Variants in ACTG1 observed in about 807,000 individuals in gnomAD.
The protein encoded by ACTG1 is actin, cytoplasmic 2.
Under a neutral mutation model 34.3 loss-of-function variants are expected in ACTG1, and 14 were observed. The observed-to-expected ratio is 0.41, with a 90% confidence interval of 0.27 to 0.64. The LOEUF (loss-of-function observed/expected upper bound fraction) is 0.64. Ranked by LOEUF, ACTG1 falls within the 30% of genes least tolerant of loss-of-function variation. The pLI is 0.33. For missense variants in ACTG1, 233 were observed against 529.5 expected (o/e 0.44, Z 5.50); for synonymous variants, 422 against 213.9 (o/e 1.97, Z -8.49).
Position 81,511,991 on chromosome 17 carries a change from T to C in ACTG1, c.275A>G (p.Asn92Ser), listed in dbSNP as rs1555667075. 6.2e-7 allele frequency: 1 copy of C among 1,614,082 alleles called. No individual in the cohort carries two copies. Among genetic ancestry groups the C allele is most frequent in the Admixed American group, 1.7e-5 (1 of 60,028 alleles). The change falls in exon 3 of 6, where the codon AAC becomes AGC. Residue 92 changes from asparagine to serine, a missense_variant. Transcript: ENST00000573283. ...MEKIWHHTFY[N>S]ELRVAPEEHP... Reference sequence around the variant, plus strand: ...CTCCTCCGGGGCCACGCGCAGCTCGTTGTAGAAGGTGTGGTGCCAGATCTT... The same window carrying C: ...CTCCTCCGGGGCCACGCGCAGCTCGCTGTAGAAGGTGTGGTGCCAGATCTT...
rs1555665945 is a variant in ACTG1, at chr17:81,509,980, G to A, written c.*710C>T. The A allele has an allele frequency of 2.5e-6, 1 of 393,214 alleles. No individual in the cohort carries two copies. The highest frequency in any genetic ancestry group is 5.0e-6 in the Non-Finnish European group (1 of 198,498). 24.4% of individuals were successfully genotyped at this position (393,214 alleles called of 1,614,324 possible). A position where few individuals can be genotyped will look rare whatever the true frequency, so the allele number is the denominator to read the frequency against. ...AAACAGGAGCCATTCATTGGTTACG[G>A]CAGCACTTTTATTTTTCCTTACACA... On this transcript the variant is annotated 3_prime_UTR_variant, in exon 6 of 6. Coordinates refer to ENST00000573283, the MANE Select transcript of ACTG1 (RefSeq NM_001614.5).
Position 81,511,480 on chromosome 17 carries a change from G to A in ACTG1, c.510C>T (p.Ala170=), listed in dbSNP as rs558086995. 8.7e-6 allele frequency: 14 copies of A among 1,613,898 alleles called. No homozygotes were observed. Among genetic ancestry groups the A allele is most frequent in the African/African-American group, 6.7e-5 (5 of 75,060 alleles). ...THTVPIYEGY[A]LPHAILRLDL... is the part of the protein sequence containing the mutation. ...CCAGACGCAGGATGGCGTGGGGGAG[G>A]GCGTAGCCCTCGTAGATGGGCACCG... The change falls in exon 4 of 6, where the codon GCC becomes GCT. Residue 170 remains alanine, a synonymous_variant. Transcript: ENST00000573283.
intron 4 of ACTG1, 32 bp downstream of exon 4, chr17:81,511,156 A>G (rs782687438): frequency 1.2e-6 from 2 of 1,613,722 alleles, no homozygotes; most frequent in South Asian, 1.1e-5. Flanking sequence ...CCGAGGATGT[A>G]AGAGTAGAAA....
At chr17:81,511,793 A>AGGAACAGAGCCT in intron 3 of ACTG1, 110 bp downstream of exon 3, 1 of 1,578,684 alleles carries the variant, frequency 6.3e-7, no homozygotes, top group Non-Finnish European at 8.6e-7. Context: ...ATGCCGGGAG[A>AGGAACAGAGCCT]GGAACAGAGC....
chr17:81,511,805 T>A, intron 3 of ACTG1, 98 bp downstream of exon 3: 1 of 1,595,088 alleles, frequency 6.3e-7, no homozygotes, highest in Non-Finnish European at 8.6e-7. Flanking sequence ...GAACAGAGCC[T>A]GGAACAGCGA....
intron 2 of ACTG1, 33 bp from the exon 3 acceptor site, chr17:81,512,175 A>G: frequency 1.2e-6 from 2 of 1,612,842 alleles, no homozygotes; most frequent in South Asian, 1.1e-5. Context: ...CTCGCCGGCG[A>G]CACCGAACCC....
rs281875328 is a variant in ACTG1 at position 81,511,230 on chromosome 17, G to T, written c.760C>A (p.Arg254=). 1 of 1,613,634 alleles carries T rather than the reference G, an allele frequency of 6.2e-7. No individual in the cohort carries two copies. The highest frequency in any genetic ancestry group is 2.2e-5 in the East Asian group (1 of 44,892). ...DGQVITIGNE[R]FRCPEALFQP... ...AACAGCGCCTCCGGACACCGGAACCGCTCATTGCCAATGGTGATGACCTGG... is the reference window on the plus strand; with the variant it reads ...AACAGCGCCTCCGGACACCGGAACCTCTCATTGCCAATGGTGATGACCTGG... The change falls in exon 4 of 6, where the codon CGG becomes AGG. Residue 254 remains arginine, a synonymous_variant. Transcript: ENST00000573283.
Position 81,512,059 on chromosome 17 carries a change from G to A in ACTG1, c.207C>T (p.Tyr69=). 1.2e-6 allele frequency: 2 copies of A among 1,614,006 alleles called. No homozygotes were observed. The highest frequency in any genetic ancestry group is 8.5e-7 in the Non-Finnish European group (1 of 1,180,034). ...TGGTGACGATGCCATGCTCAATGGG[G>A]TACTTCAGGGTCAGGATGCCACGCT... is the stretch of plus-strand genomic sequence containing the variant. ...QSKRGILTLK[Y]PIEHGIVTNW... is the part of the protein sequence containing the mutation. The change falls in exon 3 of 6, where the codon TAC becomes TAT. Residue 69 remains tyrosine, a synonymous_variant. Transcript: ENST00000573283.
chr17:81,510,529 A>G lies in ACTG1; in HGVS notation c.*161T>C, dbSNP rs2031694514. The G allele has an allele frequency of 7.5e-6, 7 of 928,876 alleles. No individual in the cohort carries two copies. Among genetic ancestry groups the G allele is most frequent in the Non-Finnish European group, 1.2e-5 (7 of 580,318 alleles). 57.5% of individuals were successfully genotyped at this position (928,876 alleles called of 1,614,324 possible). A position where few individuals can be genotyped will look rare whatever the true frequency, so the allele number is the denominator to read the frequency against. ...AAGGTCAAAATCAGCAACAAGTTCTACAATCCAGTGCTGATATCAGATACA... is the reference window on the plus strand; with the variant it reads ...AAGGTCAAAATCAGCAACAAGTTCTGCAATCCAGTGCTGATATCAGATACA... On this transcript the variant is annotated 3_prime_UTR_variant, in exon 6 of 6. Coordinates refer to ENST00000573283, the MANE Select transcript of ACTG1 (RefSeq NM_001614.5).
chr17:81,512,227 C>T lies in ACTG1; in HGVS notation c.123+5G>A, dbSNP rs782606686. The T allele has an allele frequency of 1.9e-6, 3 of 1,613,460 alleles. No individual in the cohort carries two copies. Among genetic ancestry groups the T allele is most frequent in the East Asian group, 2.2e-5 (1 of 44,872 alleles). Reference sequence around the variant, plus strand: ...CCCAGGAGCCCCGCGGCGCCATCCACTCACCTGGTGTCTGGGGCGCCCGAC... The same window carrying T: ...CCCAGGAGCCCCGCGGCGCCATCCATTCACCTGGTGTCTGGGGCGCCCGAC... On this transcript the variant is annotated splice_donor_5th_base_variant and intron_variant, in intron 2 of 5. Transcript: ENST00000573283.
rs727502883 is a variant in ACTG1 at position 81,511,354 on chromosome 17, G to T, written c.636C>A (p.Ile212=). ...GGGCGACGTAGCACAGCTTCTCCTT[G>T]ATGTCGCGCACGATTTCCCGCTCGG... The part of the protein sequence containing the change: ...TTAEREIVRD[I]KEKLCYVALD... The change falls in exon 4 of 6, where the codon ATC becomes ATA. Residue 212 remains isoleucine, a synonymous_variant. Transcript: ENST00000573283. 4.3e-6 allele frequency: 7 copies of T among 1,613,818 alleles called. No individual in the cohort carries two copies. Among genetic ancestry groups the T allele is most frequent in the Non-Finnish European group, 5.9e-6 (7 of 1,180,046 alleles).
In ACTG1 at chr17:81,510,620, C is replaced by G. The variant is rs566801807; in HGVS notation, c.*70G>C. ...TCGTGAGGCTAGCATGAGGTGTGTG[C>G]ATTTGCCAGGGGCAAATTTCTATTC... On this transcript the variant is annotated 3_prime_UTR_variant, in exon 6 of 6. Transcript: ENST00000573283. The G allele has an allele frequency of 2.5e-6, 4 of 1,585,066 alleles. No individual in the cohort carries two copies. In the East Asian group the frequency reaches 6.7e-5, roughly 27 times the overall value.
rs28478053 is a variant in ACTG1, at chr17:81,510,556, G to A, written c.*134C>T. 3,406 of 1,169,086 alleles carry A rather than the reference G, an allele frequency of 2.9e-3. 77 individuals are homozygous for A. In the African/African-American group the frequency reaches 0.043, roughly 15 times the overall value. The allele number at this position is 1,169,086 out of a possible 1,614,324, so 72.4% of individuals were successfully genotyped here. A position where few individuals can be genotyped will look rare whatever the true frequency, so the allele number is the denominator to read the frequency against. ...AATCCAGTGCTGATATCAGATACAA[G>A]CTTCAAGGACAATTTCTTTTCGAAG... is the stretch of plus-strand genomic sequence containing the variant. On this transcript the variant is annotated 3_prime_UTR_variant, in exon 6 of 6. Coordinates refer to ENST00000573283, the MANE Select transcript of ACTG1 (RefSeq NM_001614.5).
In ACTG1 at chr17:81,510,934, T is replaced by C; in HGVS notation, c.977A>G (p.Lys326Arg). 1 of 1,614,066 alleles carries C rather than the reference T, an allele frequency of 6.2e-7. No individual in the cohort carries two copies. ...ACCAACCCCTCGACTCACCTTGATC[T>C]TCATGGTGCTGGGCGCCAGGGCGGT... ...EITALAPSTM[K>R]IKIIAPPERK... Residue 326 changes from lysine to arginine, a missense_variant, in exon 5 of 6, where the codon AAG becomes AGG. Lys to Arg is a conservative substitution (Grantham distance 26). Transcript: ENST00000573283.
Position 81,510,534 on chromosome 17 carries a change from C to T in ACTG1, c.*156G>A. The stretch of plus-strand genomic sequence containing the variant: ...CAAAATCAGCAACAAGTTCTACAAT[C>T]CAGTGCTGATATCAGATACAAGCTT... On this transcript the variant is annotated 3_prime_UTR_variant, in exon 6 of 6. Coordinates refer to ENST00000573283, the MANE Select transcript of ACTG1 (RefSeq NM_001614.5). 1 of 944,072 alleles carries T rather than the reference C, an allele frequency of 1.1e-6. No homozygotes were observed. Among genetic ancestry groups the T allele is most frequent in the East Asian group, 2.6e-5 (1 of 39,172 alleles). The allele number at this position is 944,072 out of a possible 1,614,324, so 58.5% of individuals were successfully genotyped here.
chr17:81,512,784 G>A lies in ACTG1; in HGVS notation c.-57C>T, dbSNP rs547755636. On this transcript the variant is annotated 5_prime_UTR_variant, in exon 1 of 6. Coordinates refer to ENST00000573283, the MANE Select transcript of ACTG1 (RefSeq NM_001614.5). ...GGCGGAAGAACAGAGTGCGAGAGCT[G>A]GCAGCGGCGACTGAGACCGACCGCG... 3.3e-3 allele frequency: 1,375 copies of A among 410,792 alleles called. 10 individuals are homozygous for A. Among genetic ancestry groups the A allele is most frequent in the Middle Eastern group, 8.4e-3 (11 of 1,316 alleles). 25.4% of individuals were successfully genotyped at this position (410,792 alleles called of 1,614,324 possible). A position where few individuals can be genotyped will look rare whatever the true frequency, so the allele number is the denominator to read the frequency against.
chr17:81,510,297 TC>T lies in ACTG1; in HGVS notation c.*392del, dbSNP rs2031676303. 4.2e-6 allele frequency: 2 copies of T among 472,246 alleles called. No individual in the cohort carries two copies. The highest frequency in any genetic ancestry group is 2.0e-5 in the African/African-American group (1 of 49,206). The allele number at this position is 472,246 out of a possible 1,614,324, so 29.3% of individuals were successfully genotyped here. On this transcript the variant is annotated 3_prime_UTR_variant, in exon 6 of 6. Coordinates refer to ENST00000573283, the MANE Select transcript of ACTG1 (RefSeq NM_001614.5). The stretch of plus-strand genomic sequence containing the variant: ...TGGTTCTTGCCAGCCTCTAGAGAAA[TC>T]CCAGAACACTCAGCCCTGACACGTT...
At position 81,510,113 on chromosome 17, in the gene ACTG1, A is replaced by G. The variant is rs2031657965; in HGVS notation, c.*577T>C. The stretch of plus-strand genomic sequence containing the variant: ...TGCGTACAAAAAAAACCTTACATAA[A>G]TTAAGAATGAATACATTTACAGGCG... On this transcript the variant is annotated 3_prime_UTR_variant, in exon 6 of 6. Transcript: ENST00000573283. 2 of 466,510 alleles carry G rather than the reference A, an allele frequency of 4.3e-6. No individual in the cohort carries two copies. The highest frequency in any genetic ancestry group is 2.0e-5 in the African/African-American group (1 of 50,200). The allele number at this position is 466,510 out of a possible 1,614,324, so 28.9% of individuals were successfully genotyped here.
rs782038116 is a variant in ACTG1 at position 81,510,999 on chromosome 17, G to A, written c.912C>T (p.Thr304=). ...TCCTGTCGGCAATGCCCGGGTACAT[G>A]GTGGTGCCGCCCGACAGCACCGTGT... The part of the protein sequence containing the change: ...YANTVLSGGT[T]MYPGIADRMQ... Residue 304 remains threonine (T), a synonymous_variant, in exon 5 of 6, where the codon ACC becomes ACT. Transcript: ENST00000573283. The A allele has an allele frequency of 7.4e-6, 12 of 1,613,864 alleles. No individual in the cohort carries two copies. The African/African-American group carries it at 8.0e-5, about 11-fold the overall frequency.
Sources: gnomAD v4.1 joint callset for allele counts on GRCh38, gnomAD v4.1.1 for gene constraint, MANE v1.5 for transcripts, NCBI Gene and HGNC (gene_info 2026-07-23, HGNC 2026-07-21) for gene names.